Variants in GOLGA8B observed in about 807,000 individuals in gnomAD.
GOLGA8B encodes golgin subfamily A member 8B.
Under a neutral mutation model 15.6 loss-of-function variants are expected in GOLGA8B, and 1 was observed. The ratio of observed to expected loss-of-function variants is 0.06; its 90% CI spans 0.02 to 0.30. The LOEUF is 0.30. Among genes scored for constraint, GOLGA8B ranks in the 10% least tolerant of loss-of-function variants. The pLI, the probability that GOLGA8B is intolerant of heterozygous loss-of-function variation, is 1.00. For missense variants in GOLGA8B, 17 were observed against 201.3 expected (o/e 0.08, Z 5.54); for synonymous variants, 9 against 80.3 (o/e 0.11, Z 4.75).
chr15:34,581,301 C>T (rs879374582), intron 1 of GOLGA8B, among the ~76,000 whole-genome samples: 1 of 152,182 alleles, frequency 6.6e-6, no homozygotes, highest in Non-Finnish European at 1.5e-5. Flanking sequence ...CTCCAACAGC[C>T]CTCACTGCAG....
chr15:34,569,709 T>TA (rs1371199889), intron 1 of GOLGA8B, among the ~76,000 whole-genome samples: 13 of 151,202 alleles, frequency 8.6e-5, no homozygotes, highest in Non-Finnish European at 1.8e-4. Flanking sequence ...GAAACTAGTG[T>TA]AAAAAGTCTA....
chr15:34,581,611 G>A (rs779115329), intron 1 of GOLGA8B: 1 of 151,872 alleles, frequency 6.6e-6, no homozygotes, highest in African/African-American at 2.4e-5. Context: ...ACTTAAGAAG[G>A]TTATGTAAAC....
At chr15:34,573,536 CAAAAA>C (rs60984933) in intron 1 of GOLGA8B, among the ~76,000 whole-genome samples, 7 of 86,840 alleles carry the variant, frequency 8.1e-5, no homozygotes, top group Middle Eastern at 6.4e-3. Context: ...GACTCCGTCT[CAAAAA>C]AAAAAAAAAA....
rs1566934444 is a variant in GOLGA8B, at chr15:34,566,205, G to A, written c.-1122-12249C>T. The A allele has an allele frequency of 2.1e-5, 3 of 142,508 alleles. 1 individual carries two copies. Among genetic ancestry groups the A allele is most frequent in the Non-Finnish European group, 4.8e-5 (3 of 61,894 alleles). The allele number at this position is 142,508 out of a possible 1,614,324, so 8.8% of individuals were successfully genotyped here. On this transcript the variant is annotated intron_variant, in intron 1 of 23. Coordinates refer to ENST00000683415, the MANE Select transcript of GOLGA8B (RefSeq NM_001023567.5). ...CTGGGGGAGGCGGAAAGGGGAGTTA[G>A]TGGACACAGAGTTTCAGATTGCAAG... is the stretch of plus-strand genomic sequence containing the variant.
At chr15:34,578,827 ATTTT>A (rs1889152870) in intron 1 of GOLGA8B, among the ~76,000 whole-genome samples, 1 of 151,920 alleles carries the variant, frequency 6.6e-6, no homozygotes, top group Admixed American at 6.6e-5. Flanking sequence ...TCAACCACAT[ATTTT>A]TTTCTCTTAA....
intron 1 of GOLGA8B, among the ~76,000 whole-genome samples, chr15:34,571,352 A>C (rs1401295727): frequency 6.6e-6 from 1 of 152,210 alleles, no homozygotes; most frequent in Non-Finnish European, 1.5e-5. Flanking sequence ...TTATCTATTC[A>C]AAGGAATATA....
chr15:34,563,201 GA>G (rs1291589535), intron 1 of GOLGA8B, among the ~76,000 whole-genome samples: 2 of 109,418 alleles, frequency 1.8e-5, no homozygotes, highest in African/African-American at 6.1e-5. Flanking sequence ...ATGATGGCAG[GA>G]ACTACTCCAT....
chr15:34,570,143 G>A (rs538616690), intron 1 of GOLGA8B, among the ~76,000 whole-genome samples: 6 of 152,044 alleles, frequency 3.9e-5, no homozygotes, highest in African/African-American at 1.2e-4. Flanking sequence ...GGGTCCTCAC[G>A]TTTGGAGGAA....
rs548807672 is a variant in GOLGA8B, at chr15:34,581,180, C to G, written c.-1123+2336G>C. Among the ~76,000 whole-genome samples, 161 of 152,342 alleles carry G rather than the reference C, an allele frequency of 1.1e-3. 1 individual carries two copies. Among genetic ancestry groups the G allele is most frequent in the Middle Eastern group, 3.4e-3 (1 of 294 alleles). On this transcript the variant is annotated intron_variant, in intron 1 of 23. Coordinates refer to ENST00000683415, the MANE Select transcript of GOLGA8B (RefSeq NM_001023567.5). ...CCATGGTGTCACCTGAGGCCCACAC[C>G]TGTTAAGTCACTGGGGCAGGTATGC...
intron 1 of GOLGA8B, among the ~76,000 whole-genome samples, chr15:34,573,867 GCCATCGGACTCCCA>G (rs921425621): frequency 6.6e-6 from 1 of 151,476 alleles, no homozygotes; most frequent in Admixed American, 6.6e-5. Context: ...CAGCCTGCCA[GCCATCGGACTCCCA>G]GGTACCTGTG....
In GOLGA8B at chr15:34,532,861, GTCAT is replaced by G. The variant is rs749959240; in HGVS notation, c.266_269del (p.Asn89ThrfsTer6). 3 of 1,236,384 alleles carry G rather than the reference GTCAT, an allele frequency of 2.4e-6. No homozygotes were observed. The African/African-American group carries it at 4.3e-5, about 18-fold the overall frequency. 76.6% of individuals were successfully genotyped at this position (1,236,384 alleles called of 1,614,324 possible). A position where few individuals can be genotyped will look rare whatever the true frequency, so the allele number is the denominator to read the frequency against. ...GGACTCTTACCAAAGATTTGATGGT[GTCAT>G]TCAGTCGACTGATTTTTATGGACCT... On this transcript the variant is annotated frameshift_variant, in exon 11 of 24. Transcript: ENST00000683415. LOFTEE classifies it high-confidence loss of function.
At position 34,527,356 on chromosome 15, in the gene GOLGA8B, C is replaced by T. The variant is rs1888081214; in HGVS notation, c.*276G>A. 2 of 430,248 alleles carry T rather than the reference C, an allele frequency of 4.6e-6. No individual in the cohort carries two copies. Among genetic ancestry groups the T allele is most frequent in the South Asian group, 4.8e-5 (2 of 41,646 alleles). The allele number at this position is 430,248 out of a possible 1,614,324, so 26.7% of individuals were successfully genotyped here. A position where few individuals can be genotyped will look rare whatever the true frequency, so the allele number is the denominator to read the frequency against. On this transcript the variant is annotated 3_prime_UTR_variant, in exon 24 of 24. Coordinates refer to ENST00000683415, the MANE Select transcript of GOLGA8B (RefSeq NM_001023567.5). The stretch of plus-strand genomic sequence containing the variant: ...TCTTTGTGTGTTTGAACTCCCACCA[C>T]GTAAGGGCAAACTCGATATGCATGC...
intron 4 of GOLGA8B, among the ~76,000 whole-genome samples, chr15:34,549,272 C>A (rs1888351068): frequency 1.3e-5 from 1 of 79,748 alleles, no homozygotes; most frequent in Admixed American, 1.5e-4. Context: ...GAATATAAAA[C>A]TAGACACAAG....
In GOLGA8B at chr15:34,525,225, C is replaced by G. The variant is rs868179846; in HGVS notation, c.*2407G>C. Reference sequence around the variant, plus strand: ...CCCAGTATTTGCACAGTATCAATACCTTTAATACTATAATTTTCAAGATGC... The same window carrying G: ...CCCAGTATTTGCACAGTATCAATACGTTTAATACTATAATTTTCAAGATGC... On this transcript the variant is annotated 3_prime_UTR_variant, in exon 24 of 24. Coordinates refer to ENST00000683415, the MANE Select transcript of GOLGA8B (RefSeq NM_001023567.5). 1.3e-5 allele frequency: 2 copies of G among 149,544 alleles called. No homozygotes were observed. Among genetic ancestry groups the G allele is most frequent in the African/African-American group, 2.5e-5 (1 of 40,348 alleles). The allele number at this position is 149,544 out of a possible 1,614,324, so 9.3% of individuals were successfully genotyped here.
At chr15:34,582,502 A>C (rs77821860) in intron 1 of GOLGA8B, among the ~76,000 whole-genome samples, 1 of 152,234 alleles carries the variant, frequency 6.6e-6, no homozygotes, top group South Asian at 2.1e-4. Flanking sequence ...CGCTTCATCC[A>C]CCGCATGCCC....
At chr15:34,567,320 T>C (rs1269011287) in intron 1 of GOLGA8B, among the ~76,000 whole-genome samples, 20 of 145,754 alleles carry the variant, frequency 1.4e-4, no homozygotes, top group African/African-American at 2.8e-4. Context: ...CTGCCCTCCA[T>C]ACAAAACCAC....
At position 34,554,828 on chromosome 15, in the gene GOLGA8B, ACTGC is replaced by A. The variant is rs200772618; in HGVS notation, c.-1122-876_-1122-873del. 9.6e-3 allele frequency among the ~76,000 whole-genome samples: 870 copies of A among 90,986 alleles called. 1 individual carries two copies. Among genetic ancestry groups the A allele is most frequent in the East Asian group, 0.017 (49 of 2,820 alleles). 59.7% of individuals were successfully genotyped at this position (90,986 alleles called of 152,430 possible). ...ATGATTTAGTTTTCCCCAAATTAAT[ACTGC>A]CTGCCTGCGCACCCCTGGCTGTCCT... On this transcript the variant is annotated intron_variant, in intron 1 of 23. Transcript: ENST00000683415.
chr15:34,580,813 A>G (rs1188476798), intron 1 of GOLGA8B, among the ~76,000 whole-genome samples: 1 of 151,982 alleles, frequency 6.6e-6, no homozygotes, highest in Non-Finnish European at 1.5e-5. Context: ...CCTCCTGGTG[A>G]GCAACCATCT....
intron 1 of GOLGA8B, among the ~76,000 whole-genome samples, chr15:34,573,647 A>G (rs1281257248): frequency 6.6e-6 from 1 of 152,172 alleles, no homozygotes; most frequent in Non-Finnish European, 1.5e-5. Flanking sequence ...TTAAAGTCCA[A>G]TTGTGGGGAA....
Sources: gnomAD v4.1 joint callset for allele counts (sites outside exome capture counted in the v4.1 genomes callset) on GRCh38, gnomAD v4.1.1 for gene constraint, MANE v1.5 for transcripts, NCBI Gene and HGNC (gene_info 2026-07-23, HGNC 2026-07-21) for gene names.